The following ZFPM2 variants were observed in gnomAD, a reference collection of about 807,000 sequenced individuals.
ZFPM2 encodes the protein zinc finger protein, FOG family member 2.
A neutral mutation model predicts 98.6 loss-of-function variants in ZFPM2; 20 were observed. The observed-to-expected ratio is 0.20, with a 90% CI of 0.14 to 0.29. The LOEUF (loss-of-function observed/expected upper bound fraction) is 0.29, where lower values mean the gene tolerates loss of function less well. ZFPM2 is among the 10% of genes least tolerant of loss of function. The pLI is 1.00. For synonymous variants in ZFPM2, 518 were observed against 502.7 expected (o/e 1.03, Z -0.41); for missense variants, 1,310 against 1,388.6 (o/e 0.94, Z 0.90).
intron 4 of ZFPM2, among the ~76,000 whole-genome samples, chr8:105,592,011 G>A (rs560444090): frequency 6.6e-6 from 1 of 152,100 alleles, no homozygotes; most frequent in African/African-American, 2.4e-5. Context: ...GCAGCTTAGG[G>A]TTAATATTTC....
At chr8:105,739,674 G>T (rs935488350) in intron 5 of ZFPM2, among the ~76,000 whole-genome samples, 2 of 151,112 alleles carry the variant, frequency 1.3e-5, no homozygotes, top group Non-Finnish European at 3.0e-5. Context: ...TCCTTTCATT[G>T]CTCCTATATA....
chr8:105,608,815 G>A (rs1816248724), intron 4 of ZFPM2, among the ~76,000 whole-genome samples: 1 of 151,958 alleles, frequency 6.6e-6, no homozygotes, highest in Admixed American at 6.6e-5. Flanking sequence ...TGCTAGTGGT[G>A]CTGTTTCTTT....
chr8:105,797,383 C>A (rs1471584989), intron 6 of ZFPM2, among the ~76,000 whole-genome samples: 16 of 152,172 alleles, frequency 1.1e-4, no homozygotes, highest in Admixed American at 1.0e-3. Context: ...CAGTTACCTC[C>A]CACCAGTCAA....
chr8:105,621,332 G>T (rs375003381), intron 4 of ZFPM2, among the ~76,000 whole-genome samples: 1 of 152,258 alleles, frequency 6.6e-6, no homozygotes, highest in Non-Finnish European at 1.5e-5. Context: ...CTGTTTGTCT[G>T]TTATTAGTGT....
chr8:105,556,842 C>A (rs1815006185), intron 3 of ZFPM2, among the ~76,000 whole-genome samples: 1 of 151,966 alleles, frequency 6.6e-6, no homozygotes, highest in Non-Finnish European at 1.5e-5. Context: ...CCTGCCTCAG[C>A]CTCCCGAGTA....
chr8:105,773,739 T>C (rs1813036983), intron 5 of ZFPM2, among the ~76,000 whole-genome samples: 1 of 151,652 alleles, frequency 6.6e-6, no homozygotes, highest in Admixed American at 6.6e-5. Context: ...CACCATTTCT[T>C]TGTGAATATT....
chr8:105,544,754 T>C (rs769860039), intron 3 of ZFPM2, among the ~76,000 whole-genome samples: 1 of 152,192 alleles, frequency 6.6e-6, no homozygotes, highest in African/African-American at 2.4e-5. Flanking sequence ...AAATGCAAGA[T>C]GATTACAGGG....
At chr8:105,508,533 G>GT (rs1813747803) in intron 3 of ZFPM2, among the ~76,000 whole-genome samples, 1 of 152,238 alleles carries the variant, frequency 6.6e-6, no homozygotes, top group East Asian at 1.9e-4. Context: ...TAGGAAGTTA[G>GT]TTAGAGACGT....
At chr8:105,454,881 G>A (rs943052317) in intron 3 of ZFPM2, among the ~76,000 whole-genome samples, 3 of 152,222 alleles carry the variant, frequency 2.0e-5, no homozygotes, top group East Asian at 3.9e-4. Flanking sequence ...ACATTTTGAC[G>A]TGAACATAAT....
chr8:105,624,983 T>G lies in ZFPM2; in HGVS notation c.421-9263T>G, dbSNP rs564991082. On this transcript the variant is annotated intron_variant, in intron 4 of 7. Coordinates refer to ENST00000407775, the MANE Select transcript of ZFPM2 (RefSeq NM_012082.4). ...ACCACATTCTACTCGAAGACATTTG[T>G]TAGCAGAAGTTCTCTGGAATTTCAC... Among the ~76,000 whole-genome samples the G allele has an allele frequency of 1.5e-4, 23 of 152,310 alleles. No homozygotes were observed. In the South Asian group the frequency reaches 4.6e-3, roughly 30 times the overall value.
At chr8:105,329,123 A>C (rs998378931) in intron 1 of ZFPM2, among the ~76,000 whole-genome samples, 6 of 151,862 alleles carry the variant, frequency 4.0e-5, no homozygotes, top group African/African-American at 1.4e-4. Flanking sequence ...AGAGAAACGA[A>C]GAGAGCGTCT....
chr8:105,340,440 T>C (rs1812406139), intron 1 of ZFPM2, among the ~76,000 whole-genome samples: 1 of 151,964 alleles, frequency 6.6e-6, no homozygotes, highest in South Asian at 2.1e-4. Flanking sequence ...TAAGAAACTC[T>C]GGCAATCATA....
chr8:105,521,208 A>T (rs993905030), intron 3 of ZFPM2, among the ~76,000 whole-genome samples: 14 of 151,956 alleles, frequency 9.2e-5, no homozygotes, highest in Admixed American at 2.6e-4. Context: ...ACACACGGTG[A>T]TCCAGAAAAC....
intron 3 of ZFPM2, among the ~76,000 whole-genome samples, chr8:105,538,174 G>T (rs1398212657): frequency 6.6e-6 from 1 of 151,998 alleles, no homozygotes; most frequent in Non-Finnish European, 1.5e-5. Flanking sequence ...CATATTGATT[G>T]TAAGTCCCAA....
intron 1 of ZFPM2, among the ~76,000 whole-genome samples, chr8:105,379,092 G>C (rs1810788121): frequency 1.3e-5 from 2 of 152,050 alleles, no homozygotes; most frequent in South Asian, 2.1e-4. Context: ...ACTTTTGTTT[G>C]TGGTTTTAAA....
chr8:105,407,315 A>G (rs1489321297), intron 1 of ZFPM2, among the ~76,000 whole-genome samples: 3 of 151,950 alleles, frequency 2.0e-5, no homozygotes, highest in East Asian at 1.9e-4. Context: ...TATTTACACT[A>G]TGCTGGTTGT....
chr8:105,565,799 G>A (rs1011270254), intron 4 of ZFPM2, among the ~76,000 whole-genome samples: 1 of 152,134 alleles, frequency 6.6e-6, no homozygotes, highest in Non-Finnish European at 1.5e-5. Flanking sequence ...ATAAACCTTG[G>A]CGTTAGGGGA....
chr8:105,794,855 G>A (rs546486679), intron 6 of ZFPM2, among the ~76,000 whole-genome samples: 4 of 152,306 alleles, frequency 2.6e-5, no homozygotes, highest in African/African-American at 9.6e-5. Flanking sequence ...AGCAATCAGT[G>A]AGGGTCCGTG....
chr8:105,318,878 C>CGGGAGCT lies in ZFPM2; in HGVS notation c.-63_-62insGGAGCTG. 4 of 386,402 alleles carry CGGGAGCT rather than the reference C, an allele frequency of 1.0e-5. No individual in the cohort carries two copies. In the East Asian group the frequency reaches 3.7e-4, roughly 35 times the overall value. 23.9% of individuals were successfully genotyped at this position (386,402 alleles called of 1,614,324 possible). A position where few individuals can be genotyped will look rare whatever the true frequency, so the allele number is the denominator to read the frequency against. ...CGGCGGCGGCGGCGGCGGCGGGAGC[C>CGGGAGCT]GAGGGAGCGGCAGCCGCGACCGCGG... On this transcript the variant is annotated 5_prime_UTR_variant, in exon 1 of 8. Transcript: ENST00000407775.
Sources: allele counts gnomAD v4.1 joint callset (sites outside exome capture counted in the v4.1 genomes callset), GRCh38; gene constraint gnomAD v4.1.1; transcripts MANE v1.5; gene names NCBI Gene and HGNC (gene_info 2026-07-23, HGNC 2026-07-21).